SAMMSON: variants seen among roughly 807,000 people sequenced by gnomAD.
SAMMSON encodes long intergenic non-protein coding RNA 1212.
At chr3:70,277,454 T>A (rs183607589) in intron 6 of SAMMSON, among the ~76,000 whole-genome samples, 2 of 152,292 alleles carry the variant, frequency 1.3e-5, no homozygotes, top group Non-Finnish European at 2.9e-5. Flanking sequence ...TTTTAGACAC[T>A]ATAATGACGG....
intron 6 of SAMMSON, among the ~76,000 whole-genome samples, chr3:70,284,994 A>G (rs1043663167): frequency 6.6e-6 from 1 of 151,942 alleles, no homozygotes; most frequent in African/African-American, 2.4e-5. Flanking sequence ...AACTTAAATC[A>G]CTGCAGTTCC....
intron 2 of SAMMSON, among the ~76,000 whole-genome samples, chr3:70,421,188 GT>G (rs1276142537): frequency 6.6e-6 from 1 of 152,012 alleles, no homozygotes; most frequent in South Asian, 2.1e-4. Flanking sequence ...TATAATATAA[GT>G]GTCTTTTTTA....
At chr3:70,167,736 A>G (rs2067643669) in intron 4 of SAMMSON, among the ~76,000 whole-genome samples, 1 of 151,948 alleles carries the variant, frequency 6.6e-6, no homozygotes, top group Non-Finnish European at 1.5e-5. Context: ...GATGAACGTC[A>G]GCACCAATTG....
intron 2 of SAMMSON, among the ~76,000 whole-genome samples, chr3:70,433,972 T>C (rs1017963302): frequency 4.6e-5 from 7 of 152,190 alleles, no homozygotes; most frequent in Non-Finnish European, 7.4e-5. Flanking sequence ...GGTAAGCTAC[T>C]AAGCTCCCTA....
chr3:70,181,124 AT>A lies in SAMMSON; in HGVS notation n.508-67981del, dbSNP rs1701050407. On this transcript the variant is annotated intron_variant and non_coding_transcript_variant, in intron 4 of 9. Coordinates refer to ENST00000642114, the Ensembl canonical transcript of SAMMSON. ...AAGGAAGTGATAAGTTTCAGTTTGC[AT>A]TCTAAAGAGACTTCTTCAGGACCAT... Among the ~76,000 whole-genome samples, 4 of 152,288 alleles carry A rather than the reference AT, an allele frequency of 2.6e-5. No homozygotes were observed. The South Asian group carries it at 8.3e-4, about 32-fold the overall frequency.
chr3:70,433,829 ATCTGTGTCTAGAT>A (rs1273599825), intron 2 of SAMMSON, among the ~76,000 whole-genome samples: 3 of 152,106 alleles, frequency 2.0e-5, no homozygotes, highest in African/African-American at 7.2e-5. Context: ...AAGATGTAAG[ATCTGTGTCTAGAT>A]TCTTGGGATT....
At chr3:70,060,854 A>G (rs1433998528) in intron 3 of SAMMSON, among the ~76,000 whole-genome samples, 2 of 152,100 alleles carry the variant, frequency 1.3e-5, no homozygotes, top group Non-Finnish European at 2.9e-5. Context: ...GAAAGGGAAT[A>G]ATGGGTTAGA....
chr3:70,039,693 A>T (rs2107586158), intron 3 of SAMMSON, among the ~76,000 whole-genome samples: 1 of 150,490 alleles, frequency 6.6e-6, no homozygotes. Context: ...GCCTATTGGA[A>T]GTCTCTGTCT....
At chr3:70,236,717 T>C (rs990878596) in intron 4 of SAMMSON, among the ~76,000 whole-genome samples, 2 of 152,062 alleles carry the variant, frequency 1.3e-5, no homozygotes, top group Non-Finnish European at 2.9e-5. Flanking sequence ...TGCCTCAGCC[T>C]CGTGAGTAGC....
At chr3:70,020,300 G>A (rs758589270) in intron 3 of SAMMSON, among the ~76,000 whole-genome samples, 1 of 152,048 alleles carries the variant, frequency 6.6e-6, no homozygotes, top group East Asian at 1.9e-4. Flanking sequence ...AGAGATTAAT[G>A]CAGAAAGCAA....
chr3:70,390,877 G>C (rs1559579248), downstream of SAMMSON, among the ~76,000 whole-genome samples: 1 of 152,172 alleles, frequency 6.6e-6, no homozygotes. Context: ...AAAAGTGAAA[G>C]AGGGTGTATG....
At position 70,092,344 on chromosome 3, in the gene SAMMSON, C is replaced by T. The variant is rs565831296; in HGVS notation, n.507+20779C>T. ...GATGGACACTTCTGTTTCCTCCAAA[C>T]GTGCCTTACTCATTCCCACCTTTGG... On this transcript the variant is annotated intron_variant and non_coding_transcript_variant, in intron 4 of 9. Transcript: ENST00000642114. 7.2e-5 allele frequency among the ~76,000 whole-genome samples: 11 copies of T among 151,902 alleles called. No individual in the cohort carries two copies. In the South Asian group the frequency reaches 1.2e-3, roughly 17 times the overall value.
chr3:70,319,011 T>G (rs1464433207), intron 7 of SAMMSON, among the ~76,000 whole-genome samples: 1 of 152,194 alleles, frequency 6.6e-6, no homozygotes, highest in South Asian at 2.1e-4. Flanking sequence ...CTGTATTAAC[T>G]GTGATACCTA....
chr3:70,332,883 C>G (rs1028023671), intron 7 of SAMMSON: 1 of 152,232 alleles, frequency 6.6e-6, no homozygotes, highest in Non-Finnish European at 1.5e-5. Flanking sequence ...CGTGAGCTAC[C>G]GCGCCCAGCT....
intron 4 of SAMMSON, among the ~76,000 whole-genome samples, chr3:70,096,507 G>A (rs73105937): frequency 0.073 from 11,137 of 152,252 alleles, 552 homozygotes; most frequent in Non-Finnish European, 0.11. Context: ...TTGCACCACT[G>A]CGCTCCAGCC....
chr3:70,373,241 T>C (rs1208232283), intron 9 of SAMMSON, among the ~76,000 whole-genome samples: 1 of 152,180 alleles, frequency 6.6e-6, no homozygotes, highest in Middle Eastern at 3.2e-3. Flanking sequence ...CCAAAAGATA[T>C]TTTCACTAGA....
At chr3:70,391,316 A>T (rs1161021708), downstream of SAMMSON, among the ~76,000 whole-genome samples, 1 of 152,172 alleles carries the variant, frequency 6.6e-6, no homozygotes, top group Non-Finnish European at 1.5e-5. Flanking sequence ...TGATTGGAGT[A>T]AATATTTATA....
chr3:70,035,074 G>A (rs923052402), intron 3 of SAMMSON, among the ~76,000 whole-genome samples: 30 of 152,216 alleles, frequency 2.0e-4, no homozygotes, highest in African/African-American at 6.7e-4. Context: ...AAATTAGGAT[G>A]TTTACCTGCC....
At chr3:70,242,172 G>C (rs1214955229) in intron 4 of SAMMSON, among the ~76,000 whole-genome samples, 1 of 152,168 alleles carries the variant, frequency 6.6e-6, no homozygotes, top group African/African-American at 2.4e-5. Flanking sequence ...AAAAGCAGAG[G>C]CTGGGGATTG....
Sources: gnomAD v4.1 joint callset for allele counts (sites outside exome capture counted in the v4.1 genomes callset) on GRCh38, gnomAD v4.1.1 for gene constraint, MANE v1.5 for transcripts, NCBI Gene and HGNC (gene_info 2026-07-23, HGNC 2026-07-21) for gene names.